Variants in SLC10A7 observed in about 807,000 individuals in gnomAD.
SLC10A7 encodes the protein solute carrier family 10 member 7.
A neutral mutation model predicts 43.2 loss-of-function variants in SLC10A7; 29 were observed. The ratio of observed to expected loss-of-function variants is 0.67; its 90% CI spans 0.50 to 0.92. The LOEUF (loss-of-function observed/expected upper bound fraction) is 0.92, where lower values mean the gene tolerates loss of function less well. Ranked by LOEUF, SLC10A7 falls within the 40% of genes least tolerant of loss-of-function variation. The pLI is 0.00. For missense variants in SLC10A7, 295 were observed against 403.2 expected, an observed-to-expected ratio of 0.73 and a Z score of 2.30; for synonymous variants, 152 against 144.8, an observed-to-expected ratio of 1.05 and a Z score of -0.35.
chr4:146,319,061 A>T (rs1732515685), intron 6 of SLC10A7, among the ~76,000 whole-genome samples: 1 of 152,058 alleles, frequency 6.6e-6, no homozygotes, highest in Non-Finnish European at 1.5e-5. Flanking sequence ...ATCATTCTTT[A>T]AAAAAGTACA....
intron 5 of SLC10A7, among the ~76,000 whole-genome samples, chr4:146,398,003 T>C (rs1032827535): frequency 6.6e-6 from 1 of 152,198 alleles, no homozygotes; most frequent in African/African-American, 2.4e-5. Context: ...AGCCCAGGTA[T>C]ATATAATGTC....
intron 5 of SLC10A7, among the ~76,000 whole-genome samples, chr4:146,434,602 C>T (rs898527721): frequency 2.6e-5 from 4 of 152,170 alleles, no homozygotes; most frequent in Non-Finnish European, 5.9e-5. Context: ...CTCGCTCTGT[C>T]GCCCAGGCTG....
At chr4:146,283,381 A>G in intron 9 of SLC10A7, 116 bp from the exon 10 acceptor site, 1 of 769,908 alleles carries the variant, frequency 1.3e-6, no homozygotes, top group Admixed American at 2.1e-5. Context: ...TCCTGGTGAC[A>G]GTAGTAATTC....
chr4:146,261,854 C>A (rs1481430429), intron 10 of SLC10A7, among the ~76,000 whole-genome samples: 1 of 152,210 alleles, frequency 6.6e-6, no homozygotes, highest in African/African-American at 2.4e-5. Flanking sequence ...GCCACTCTCA[C>A]ATGGTGGATT....
chr4:146,312,744 A>G (rs1445387046), intron 6 of SLC10A7, among the ~76,000 whole-genome samples: 1 of 152,136 alleles, frequency 6.6e-6, no homozygotes, highest in Non-Finnish European at 1.5e-5. Flanking sequence ...TTATACGCTA[A>G]TTTAAAATGT....
chr4:146,326,197 G>T (rs993736753), intron 5 of SLC10A7, among the ~76,000 whole-genome samples: 3 of 152,170 alleles, frequency 2.0e-5, no homozygotes, highest in Admixed American at 2.0e-4. Context: ...GTATTTGGCA[G>T]CCTGAAAGCA....
At chr4:146,350,009 T>C (rs79812166) in intron 5 of SLC10A7, among the ~76,000 whole-genome samples, 2 of 151,204 alleles carry the variant, frequency 1.3e-5, no homozygotes, top group Non-Finnish European at 3.0e-5. Context: ...TAAAAAAAAA[T>C]ATATATATAG....
chr4:146,390,300 G>C (rs1198585290), intron 5 of SLC10A7, among the ~76,000 whole-genome samples: 1 of 152,088 alleles, frequency 6.6e-6, no homozygotes, highest in Non-Finnish European at 1.5e-5. Flanking sequence ...ATTAGGCATG[G>C]GGCAGTTTTG....
At chr4:146,480,879 G>T (rs995866036) in intron 4 of SLC10A7, among the ~76,000 whole-genome samples, 2 of 152,006 alleles carry the variant, frequency 1.3e-5, no homozygotes, top group East Asian at 3.9e-4. Context: ...ATAAGCAACT[G>T]CATATTTACC....
intron 7 of SLC10A7, among the ~76,000 whole-genome samples, 184 bp from the exon 8 acceptor site, chr4:146,294,279 T>C (rs1730634676): frequency 6.6e-6 from 1 of 152,194 alleles, no homozygotes; most frequent in Admixed American, 6.5e-5. Context: ...ACATTTGTAG[T>C]GCAACTTCCA....
intron 10 of SLC10A7, among the ~76,000 whole-genome samples, chr4:146,266,560 T>G: frequency 6.6e-6 from 1 of 152,170 alleles, no homozygotes; most frequent in East Asian, 1.9e-4. Flanking sequence ...AATTATACAT[T>G]TTTTAGAGTA....
At chr4:146,287,080 G>C (rs541890874) in intron 9 of SLC10A7, among the ~76,000 whole-genome samples, 1 of 147,450 alleles carries the variant, frequency 6.8e-6, no homozygotes, top group East Asian at 2.0e-4. Context: ...GAGAAGGACT[G>C]TGTTTCGAGT....
intron 4 of SLC10A7, among the ~76,000 whole-genome samples, chr4:146,480,284 CTTT>C (rs1202177116): frequency 1.3e-5 from 2 of 151,608 alleles, no homozygotes; most frequent in African/African-American, 4.9e-5. Context: ...GTTAAATGTC[CTTT>C]ATTATATTCT....
At chr4:146,386,100 A>G (rs1737974255) in intron 5 of SLC10A7, among the ~76,000 whole-genome samples, 1 of 152,210 alleles carries the variant, frequency 6.6e-6, no homozygotes, top group Admixed American at 6.5e-5. Context: ...TATAGCCAGT[A>G]ATGGGAGTGT....
At chr4:146,408,049 T>G (rs1057197398) in intron 5 of SLC10A7, among the ~76,000 whole-genome samples, 8 of 152,204 alleles carry the variant, frequency 5.3e-5, no homozygotes, top group African/African-American at 1.9e-4. Context: ...CAGCTAGCAG[T>G]AATCCAGTTC....
At chr4:146,402,943 C>T (rs1739323956) in intron 5 of SLC10A7, among the ~76,000 whole-genome samples, 1 of 152,154 alleles carries the variant, frequency 6.6e-6, no homozygotes, top group African/African-American at 2.4e-5. Flanking sequence ...CCCAGCTTGA[C>T]CACAGACTAG....
At chr4:146,401,092 A>C (rs924920901) in intron 5 of SLC10A7, among the ~76,000 whole-genome samples, 1 of 152,338 alleles carries the variant, frequency 6.6e-6, no homozygotes, top group African/African-American at 2.4e-5. Flanking sequence ...CTAGCTGAGT[A>C]AGGAATCAGA....
chr4:146,439,967 C>A (rs1421755147), intron 5 of SLC10A7, among the ~76,000 whole-genome samples: 1 of 152,170 alleles, frequency 6.6e-6, no homozygotes, highest in Non-Finnish European at 1.5e-5. Context: ...CTAATCCCAA[C>A]TCAAGCACCA....
chr4:146,501,610 T>C (rs1460405431), intron 4 of SLC10A7, among the ~76,000 whole-genome samples: 1 of 152,216 alleles, frequency 6.6e-6, no homozygotes, highest in East Asian at 1.9e-4. Flanking sequence ...ATCTGGCATC[T>C]TTAGGGATGG....
Sources: allele counts gnomAD v4.1 joint callset (sites outside exome capture counted in the v4.1 genomes callset), GRCh38; gene constraint gnomAD v4.1.1; transcripts MANE v1.5; gene names NCBI Gene and HGNC (gene_info 2026-07-23, HGNC 2026-07-21).